Variants in DHX8 observed in about 807,000 individuals in gnomAD.
DHX8 encodes ATP-dependent RNA helicase DHX8.
DHX8 carries 67 observed loss-of-function variants against 140.7 expected under a neutral mutation model. The ratio of observed to expected loss-of-function variants is 0.48; its 90% CI spans 0.39 to 0.58. The LOEUF is 0.58. Among genes scored for constraint, DHX8 ranks in the 20% least tolerant of loss-of-function variants. DHX8 has a pLI of 0.00. For missense variants in DHX8, 887 were observed against 1,550.7 expected (o/e 0.57, Z 7.19); for synonymous variants, 533 against 553.2 (o/e 0.96, Z 0.51).
intron 17 of DHX8, 58 bp downstream of exon 17, chr17:43,513,560 C>CT (rs1034801500): frequency 2.0e-5 from 32 of 1,566,206 alleles, no homozygotes; most frequent in Non-Finnish European, 2.6e-5. Flanking sequence ...CTTTCTGAAA[C>CT]TTTTTTATGG....
intron 5 of DHX8, 68 bp downstream of exon 5, chr17:43,492,360 C>A: frequency 7.4e-7 from 1 of 1,347,948 alleles, no homozygotes; most frequent in East Asian, 2.4e-5. Flanking sequence ...ATGGACCAGC[C>A]AAGCAAAATT....
downstream of DHX8, chr17:43,529,819 G>GT: frequency 6.2e-7 from 1 of 1,602,270 alleles, no homozygotes; most frequent in African/African-American, 1.3e-5. Flanking sequence ...GAAACGTGAT[G>GT]TGACTCCTGC....
At chr17:43,530,515 C>CG (rs1223132000), downstream of DHX8, 8 of 1,074,280 alleles carry the variant, frequency 7.4e-6, no homozygotes, top group Non-Finnish European at 2.4e-6. Context: ...GATGAACGTC[C>CG]GGGGAAAGAG....
chr17:43,518,191 A>G (rs1041678371), intron 18 of DHX8: 3 of 152,224 alleles, frequency 2.0e-5, no homozygotes, highest in Non-Finnish European at 4.4e-5. Context: ...ATGATTGCTA[A>G]CATAATTCAT....
chr17:43,530,497 G>A (rs571816529), downstream of DHX8: 12 of 1,227,074 alleles, frequency 9.8e-6, no homozygotes, highest in East Asian at 4.1e-4. Flanking sequence ...GGGGAGGAGG[G>A]AGGGTGAGAT....
At chr17:43,532,319 C>T (rs551033401) in intron 2 of DHX8, among the ~76,000 whole-genome samples, 306 of 152,144 alleles carry the variant, frequency 2.0e-3, no homozygotes, top group Non-Finnish European at 3.2e-3. Flanking sequence ...GCCAGCATGG[C>T]GAAACCCCAT....
intron 16 of DHX8, among the ~76,000 whole-genome samples, chr17:43,511,743 C>G (rs1969851467): frequency 1.3e-5 from 2 of 150,818 alleles, no homozygotes; most frequent in Non-Finnish European, 3.0e-5. Context: ...CAGGCATGAG[C>G]CACCACGCCT....
intron 11 of DHX8, 26 bp downstream of exon 11, chr17:43,500,129 A>G: frequency 6.2e-7 from 1 of 1,604,156 alleles, no homozygotes; most frequent in Non-Finnish European, 8.5e-7. Context: ...GGGTGTATGG[A>G]CCTTGTTTAA....
intron 16 of DHX8, among the ~76,000 whole-genome samples, chr17:43,510,447 C>T (rs575182342): frequency 1.4e-4 from 21 of 152,304 alleles, no homozygotes; most frequent in Non-Finnish European, 2.6e-4. Flanking sequence ...CAAGTATGCT[C>T]AAGTCTCTTA....
chr17:43,496,356 T>TA, intron 9 of DHX8, 88 bp downstream of exon 9: 1 of 866,174 alleles, frequency 1.2e-6, no homozygotes, highest in Non-Finnish European at 1.9e-6. Flanking sequence ...CAGTGGCTAT[T>TA]AATCATTTGT....
intron 17 of DHX8, among the ~76,000 whole-genome samples, chr17:43,513,709 C>CTTTTTTTTTTTTTTTTTTTTTTTT (rs34829204): frequency 9.4e-6 from 1 of 105,966 alleles, no homozygotes; most frequent in African/African-American, 3.7e-5. Context: ...AGTTTTTAAT[C>CTTTTTTTTTTTTTTTTTTTTTTTT]TTTTTTTTTT....
At chr17:43,529,093 C>G (rs1261630783), downstream of DHX8, 1 of 1,588,510 alleles carries the variant, frequency 6.3e-7, no homozygotes, top group South Asian at 1.1e-5. Flanking sequence ...TTCTCACAGC[C>G]ACTGCCCCCC....
At chr17:43,503,521 C>T (rs187148404) in intron 11 of DHX8, among the ~76,000 whole-genome samples, 1,871 of 151,338 alleles carry the variant, frequency 0.012, 26 homozygotes, top group Non-Finnish European at 0.019. Context: ...AAAGTTTAGC[C>T]GTGTGTAATC....
Position 43,508,448 on chromosome 17 carries a change from C to T in DHX8, c.2430C>T (p.Leu810=). The T allele has an allele frequency of 1.9e-6, 3 of 1,613,872 alleles. No individual in the cohort carries two copies. Among genetic ancestry groups the T allele is most frequent in the Non-Finnish European group, 2.5e-6 (3 of 1,179,916 alleles). Residue 810 remains leucine, a synonymous_variant, in exon 16 of 23, where the codon CTC becomes CTT. Transcript: ENST00000262415. ...CTGATGTTCCAGAGTTAATTATCCT[C>T]CCAGTGTACTCTGCTCTTCCCAGTG... ...LGPDVPELII[L]PVYSALPSEM...
rs115431942 is a variant in DHX8, at chr17:43,516,237, A to G, written c.2644-930A>G. The stretch of plus-strand genomic sequence containing the variant: ...CAATATTTGGTAAAATCTAAAGAAA[A>G]TAGACCTCATCTGCAAGCCTACTAT... On this transcript the variant is annotated intron_variant, in intron 17 of 22. Transcript: ENST00000262415. Among the ~76,000 whole-genome samples the G allele has an allele frequency of 2.4e-3, 366 of 152,276 alleles. 2 individuals carry two copies. The highest frequency in any genetic ancestry group is 8.5e-3 in the African/African-American group (353 of 41,562).
At chr17:43,508,618 CTTTTTT>C in intron 16 of DHX8, 98 bp downstream of exon 16, 24 of 527,566 alleles carry the variant, frequency 4.5e-5, no homozygotes, top group Non-Finnish European at 5.4e-5. Context: ...GTATGCAAGT[CTTTTTT>C]TTTTTTTTTT....
downstream of DHX8, chr17:43,529,517 A>G (rs925179572): frequency 6.2e-7 from 1 of 1,612,190 alleles, no homozygotes; most frequent in African/African-American, 1.3e-5. Flanking sequence ...CTCAGGCTCA[A>G]TGAGCTTGAA....
chr17:43,533,855 T>G (rs562290615), intron 2 of DHX8: 1 of 1,606,936 alleles, frequency 6.2e-7, no homozygotes, highest in East Asian at 2.3e-5. Flanking sequence ...AGGCTGGGGC[T>G]CACCTGGAGT....
intron 11 of DHX8, among the ~76,000 whole-genome samples, chr17:43,500,609 T>C (rs1328700815): frequency 6.6e-6 from 1 of 152,034 alleles, no homozygotes; most frequent in Non-Finnish European, 1.5e-5. Flanking sequence ...TGAGTTTTTC[T>C]TCTGAATCAC....
Sources: allele counts gnomAD v4.1 joint callset (sites outside exome capture counted in the v4.1 genomes callset), GRCh38; gene constraint gnomAD v4.1.1; transcripts MANE v1.5; gene names NCBI Gene and HGNC (gene_info 2026-07-23, HGNC 2026-07-21).